Variants in EXT1 observed in about 807,000 individuals in gnomAD.
EXT1 encodes exostosin glycosyltransferase 1.
EXT1 carries 20 observed loss-of-function variants against 82.5 expected under a neutral mutation model. The ratio of observed to expected loss-of-function variants is 0.24; its 90% CI spans 0.17 to 0.35. EXT1 has a LOEUF of 0.35. Ranked by LOEUF, EXT1 falls within the 10% of genes least tolerant of loss-of-function variation. The pLI is 1.00. For missense variants in EXT1, 757 were observed against 936.5 expected, an observed-to-expected ratio of 0.81 and a Z score of 2.50; for synonymous variants, 348 against 350.8, an observed-to-expected ratio of 0.99 and a Z score of 0.09.
chr8:117,817,343 C>T (rs1440030627), intron 7 of EXT1, among the ~76,000 whole-genome samples: 1 of 152,134 alleles, frequency 6.6e-6, no homozygotes, highest in African/African-American at 2.4e-5. Flanking sequence ...TCAAATGGTT[C>T]AGCCTAATAA....
intron 1 of EXT1, among the ~76,000 whole-genome samples, chr8:117,951,214 G>A (rs1307897562): frequency 6.6e-6 from 1 of 152,136 alleles, no homozygotes; most frequent in African/African-American, 2.4e-5. Context: ...TTGGCAACCA[G>A]GAGTCAATAG....
At chr8:117,893,623 C>T (rs1216973912) in intron 1 of EXT1, among the ~76,000 whole-genome samples, 1 of 152,212 alleles carries the variant, frequency 6.6e-6, no homozygotes, top group East Asian at 1.9e-4. Context: ...ATGCTGAACA[C>T]TTGAGCTTGT....
chr8:118,056,011 GGAA>G (rs1197167082), intron 1 of EXT1, among the ~76,000 whole-genome samples: 1 of 152,078 alleles, frequency 6.6e-6, no homozygotes, highest in African/African-American at 2.4e-5. Context: ...GGGCCACACT[GGAA>G]GAAGAACTGT....
At chr8:117,887,434 C>T (rs1447668273) in intron 1 of EXT1, among the ~76,000 whole-genome samples, 1 of 152,178 alleles carries the variant, frequency 6.6e-6, no homozygotes, top group Non-Finnish European at 1.5e-5. Context: ...TCACTGCAAC[C>T]TCCGCCTCCC....
intron 1 of EXT1, among the ~76,000 whole-genome samples, chr8:118,021,913 GC>G (rs1315281122): frequency 1.3e-5 from 2 of 152,180 alleles, no homozygotes; most frequent in Non-Finnish European, 2.9e-5. Context: ...GATTTTGTGA[GC>G]AAGTCCGAAT....
At chr8:117,974,260 T>C (rs1053971479) in intron 1 of EXT1, among the ~76,000 whole-genome samples, 1 of 152,270 alleles carries the variant, frequency 6.6e-6, no homozygotes, top group Non-Finnish European at 1.5e-5. Flanking sequence ...AGAGATCAAT[T>C]CAAAATATAC....
At chr8:118,063,824 A>G (rs1427456518) in intron 1 of EXT1, among the ~76,000 whole-genome samples, 2 of 152,168 alleles carry the variant, frequency 1.3e-5, no homozygotes, top group Non-Finnish European at 2.9e-5. Flanking sequence ...AACATCATAC[A>G]CTTAGTAAGA....
intron 1 of EXT1, among the ~76,000 whole-genome samples, chr8:117,867,405 G>A (rs1048358938): frequency 5.9e-5 from 9 of 152,068 alleles, no homozygotes; most frequent in East Asian, 3.9e-4. Context: ...GAAAATGTCC[G>A]TCCATGGGCA....
At chr8:118,088,465 G>A (rs2129994691) in intron 1 of EXT1, among the ~76,000 whole-genome samples, 1 of 151,260 alleles carries the variant, frequency 6.6e-6, no homozygotes, top group East Asian at 1.9e-4. Context: ...TCAAACAGTG[G>A]CTGCTATCTG....
chr8:117,997,770 A>C (rs533757989), intron 1 of EXT1, among the ~76,000 whole-genome samples: 21 of 152,150 alleles, frequency 1.4e-4, no homozygotes, highest in Non-Finnish European at 2.4e-4. Context: ...ATATTTTATA[A>C]GTTAATAAGT....
chr8:117,887,885 A>C (rs1368960515), intron 1 of EXT1, among the ~76,000 whole-genome samples: 1 of 151,804 alleles, frequency 6.6e-6, no homozygotes, highest in Non-Finnish European at 1.5e-5. Flanking sequence ...CGGGAGTTTG[A>C]GACCTGCCTG....
At chr8:117,825,392 T>G (rs948301157) in intron 4 of EXT1, among the ~76,000 whole-genome samples, 1 of 152,214 alleles carries the variant, frequency 6.6e-6, no homozygotes, top group Admixed American at 6.5e-5. Context: ...TGGCACTTAG[T>G]GCTTAGTCTT....
chr8:117,966,982 C>T (rs1814830825), intron 1 of EXT1, among the ~76,000 whole-genome samples: 1 of 152,100 alleles, frequency 6.6e-6, no homozygotes, highest in Non-Finnish European at 1.5e-5. Context: ...TGATGTGATC[C>T]TAATGGCCCT....
intron 1 of EXT1, among the ~76,000 whole-genome samples, chr8:117,971,270 C>G (rs549091268): frequency 3.6e-4 from 55 of 152,328 alleles, no homozygotes; most frequent in African/African-American, 1.2e-3. Context: ...TTACTCCTCT[C>G]CCACAATACT....
chr8:117,800,001 G>T, intron 10 of EXT1, 104 bp from the exon 11 acceptor site: 34 of 1,263,770 alleles, frequency 2.7e-5, no homozygotes, highest in Non-Finnish European at 3.7e-5. Context: ...AGCAAAGCTT[G>T]GGGTCTGGCC....
At chr8:117,815,669 C>T (rs560889774) in intron 7 of EXT1, among the ~76,000 whole-genome samples, 9 of 152,286 alleles carry the variant, frequency 5.9e-5, no homozygotes, top group East Asian at 5.8e-4. Context: ...CAGTGGCTCC[C>T]GCCTGTAACC....
chr8:118,038,121 C>T lies in EXT1; in HGVS notation c.962+71964G>A, dbSNP rs537153343. Among the ~76,000 whole-genome samples, 7 of 152,092 alleles carry T rather than the reference C, an allele frequency of 4.6e-5. No homozygotes were observed. The East Asian group carries it at 1.4e-3, about 29-fold the overall frequency. The stretch of plus-strand genomic sequence containing the variant: ...GATTATAGGCGTGAGCCACTGCACC[C>T]GGCCAAGATTTTTTAAAAAGTGAAA... On this transcript the variant is annotated intron_variant, in intron 1 of 10. Transcript: ENST00000378204.
At chr8:117,877,135 C>T (rs1171468384) in intron 1 of EXT1, among the ~76,000 whole-genome samples, 1 of 152,184 alleles carries the variant, frequency 6.6e-6, no homozygotes, top group African/African-American at 2.4e-5. Context: ...CTTTTGCACG[C>T]TGCTTTCCTT....
At chr8:118,093,268 C>CAAAAA (rs10594150) in intron 1 of EXT1, among the ~76,000 whole-genome samples, 35 of 66,766 alleles carry the variant, frequency 5.2e-4, no homozygotes, top group African/African-American at 9.5e-4. Flanking sequence ...AAATTCCCAG[C>CAAAAA]AAAAAAAAAA....
Sources: allele counts gnomAD v4.1 joint callset (sites outside exome capture counted in the v4.1 genomes callset), GRCh38; gene constraint gnomAD v4.1.1; transcripts MANE v1.5; gene names NCBI Gene and HGNC (gene_info 2026-07-23, HGNC 2026-07-21).